The following ARHGEF39 variants were observed in gnomAD, a reference collection of about 807,000 sequenced individuals.
The protein encoded by ARHGEF39 is Rho guanine nucleotide exchange factor (GEF) 39.
Under a neutral mutation model 47.5 loss-of-function variants are expected in ARHGEF39, and 45 were observed. That is an observed-to-expected ratio of 0.95 (90% CI 0.75 to 1.22). The LOEUF (loss-of-function observed/expected upper bound fraction) is 1.22. ARHGEF39 is among the 50% of genes most tolerant of loss of function. The pLI is 0.00. For missense variants in ARHGEF39, 411 were observed against 425.3 expected, an observed-to-expected ratio of 0.97 and a Z score of 0.30; for synonymous variants, 164 against 167.8, an observed-to-expected ratio of 0.98 and a Z score of 0.17.
Position 35,664,121 on chromosome 9 carries a change from C to T in ARHGEF39, c.360G>A (p.Gln120=), listed in dbSNP as rs771684028. ...SERSQTTLQE[Q]LKKNKGFRRF... is the part of the protein sequence containing the mutation. ...TCCGGAAACCTTTATTTTTCTTTAG[C>T]TGCTCCTGGAGTGAGGGAGAAAGGA... Residue 120 remains glutamine, a synonymous_variant, in exon 4 of 9, where the codon CAG becomes CAA. Transcript: ENST00000378387. 6.2e-7 allele frequency: 1 copy of T among 1,613,920 alleles called. No homozygotes were observed. Among genetic ancestry groups the T allele is most frequent in the Non-Finnish European group, 8.5e-7 (1 of 1,179,796 alleles).
Position 35,664,129 on chromosome 9 carries a change from GGAGT to G in ARHGEF39, c.355-7_355-4del. 2 of 1,612,896 alleles carry G rather than the reference GGAGT, an allele frequency of 1.2e-6. No homozygotes were observed. The highest frequency in any genetic ancestry group is 1.7e-6 in the Non-Finnish European group (2 of 1,178,854). ...CCTTTATTTTTCTTTAGCTGCTCCT[GGAGT>G]GAGGGAGAAAGGATTGGAAGCAGGG... On this transcript the variant is annotated splice_region_variant and splice_polypyrimidine_tract_variant and intron_variant, in intron 3 of 8. Coordinates refer to ENST00000378387, the MANE Select transcript of ARHGEF39 (RefSeq NM_032818.3).
rs376110644 is a variant in ARHGEF39 at position 35,663,981 on chromosome 9, G to A, written c.473+27C>T. The A allele has an allele frequency of 2.1e-5, 34 of 1,598,876 alleles. 3 individuals carry two copies. The Middle Eastern group carries it at 1.5e-3, about 71-fold the overall frequency. ...GCAGTCATACAAACTAAAAGAGAGA[G>A]GCGGCTGGAATCAAGAGTTCACTCA... is the stretch of plus-strand genomic sequence containing the variant. On this transcript the variant is annotated intron_variant, in intron 4 of 8. Transcript: ENST00000378387.
chr9:35,660,967 TC>T lies in ARHGEF39; in HGVS notation c.*1019del, dbSNP rs753385503. The T allele has an allele frequency of 4.2e-5, 68 of 1,614,114 alleles. No homozygotes were observed. Among genetic ancestry groups the T allele is most frequent in the Non-Finnish European group, 5.3e-5 (62 of 1,180,012 alleles). The stretch of plus-strand genomic sequence containing the variant: ...GCCAGCAGACCTCTTCCTGAGGACT[TC>T]TGTTTAAAGGAGGACGAGGAGGAGA... On this transcript the variant is annotated 3_prime_UTR_variant, in exon 9 of 9. Transcript: ENST00000378387.
At chr9:35,664,970 A>G in intron 1 of ARHGEF39, 62 bp downstream of exon 1, 1 of 1,509,388 alleles carries the variant, frequency 6.6e-7, no homozygotes, top group Non-Finnish European at 8.9e-7. Flanking sequence ...CCGACCTCGC[A>G]GAGACCCTCC....
rs997370660 is a variant in ARHGEF39 at position 35,659,687 on chromosome 9, A to G, written c.*2300T>C. 3.9e-5 allele frequency: 6 copies of G among 152,212 alleles called. No individual in the cohort carries two copies. Among genetic ancestry groups the G allele is most frequent in the Non-Finnish European group, 7.3e-5 (5 of 68,050 alleles). 9.4% of individuals were successfully genotyped at this position (152,212 alleles called of 1,614,324 possible). A position where few individuals can be genotyped will look rare whatever the true frequency, so the allele number is the denominator to read the frequency against. ...AAGACTGACGTTAATAAACCAGAAAAAACTCAGGAAAGTGGGTGAGGGTGT... is the reference window on the plus strand; with the variant it reads ...AAGACTGACGTTAATAAACCAGAAAGAACTCAGGAAAGTGGGTGAGGGTGT... On this transcript the variant is annotated 3_prime_UTR_variant, in exon 9 of 9. Coordinates refer to ENST00000378387, the MANE Select transcript of ARHGEF39 (RefSeq NM_032818.3).
chr9:35,661,135 G>A lies in ARHGEF39; in HGVS notation c.*852C>T. The A allele has an allele frequency of 1.2e-6, 2 of 1,612,042 alleles. No individual in the cohort carries two copies. Among genetic ancestry groups the A allele is most frequent in the Non-Finnish European group, 1.7e-6 (2 of 1,178,492 alleles). On this transcript the variant is annotated 3_prime_UTR_variant, in exon 9 of 9. Transcript: ENST00000378387. ...AAGGGCCCCAGTCACAGCCTTGGCT[G>A]GGAAGGAGGGACGACAGCTGAAGGT... is the stretch of plus-strand genomic sequence containing the variant.
rs1341426672 is a variant in ARHGEF39, at chr9:35,664,039, G to C, written c.442C>G (p.Leu148Val). ...AGCCGTTGCAGAGGCAGAGGGAGCA[G>C]GTCCTGGAGCTGAAGGCCCCCAAAC... ...PEFGGLQLQD[L>V]LPLPLQRLQQ... Residue 148 changes from leucine (L) to valine (V), a missense_variant, in exon 4 of 9, where the codon CTG becomes GTG. Leu to Val is a conservative substitution (Grantham distance 32). Coordinates refer to ENST00000378387, the MANE Select transcript of ARHGEF39 (RefSeq NM_032818.3). 6.2e-7 allele frequency: 1 copy of C among 1,614,116 alleles called. No individual in the cohort carries two copies. The highest frequency in any genetic ancestry group is 1.1e-5 in the South Asian group (1 of 91,080).
At position 35,659,959 on chromosome 9, in the gene ARHGEF39, C is replaced by T; in HGVS notation, c.*2028G>A. ...TCCCAGGTTCAAGCGATTCTCCTGC[C>T]TCAGCCTCTCAAGTAACTGGGATTA... On this transcript the variant is annotated 3_prime_UTR_variant, in exon 9 of 9. Coordinates refer to ENST00000378387, the MANE Select transcript of ARHGEF39 (RefSeq NM_032818.3). 1 of 155,030 alleles carries T rather than the reference C, an allele frequency of 6.5e-6. No homozygotes were observed. The highest frequency in any genetic ancestry group is 1.9e-4 in the South Asian group (1 of 5,180). 9.6% of individuals were successfully genotyped at this position (155,030 alleles called of 1,614,324 possible). A position where few individuals can be genotyped will look rare whatever the true frequency, so the allele number is the denominator to read the frequency against.
In ARHGEF39 at chr9:35,660,278, G is replaced by A. The variant is rs560960553; in HGVS notation, c.*1709C>T. 4 of 793,464 alleles carry A rather than the reference G, an allele frequency of 5.0e-6. No individual in the cohort carries two copies. The highest frequency in any genetic ancestry group is 1.7e-5 in the African/African-American group (1 of 57,502). The allele number at this position is 793,464 out of a possible 1,614,324, so 49.2% of individuals were successfully genotyped here. On this transcript the variant is annotated 3_prime_UTR_variant, in exon 9 of 9. Coordinates refer to ENST00000378387, the MANE Select transcript of ARHGEF39 (RefSeq NM_032818.3). Reference sequence around the variant, plus strand: ...AGATAGACTAGGATTGTGATTCTCTGAGGTAAAAACCCAATCACTGTCTCC... The same window carrying A: ...AGATAGACTAGGATTGTGATTCTCTAAGGTAAAAACCCAATCACTGTCTCC...
Position 35,661,983 on chromosome 9 carries a change from T to G in ARHGEF39, c.*4A>C. On this transcript the variant is annotated 3_prime_UTR_variant, in exon 9 of 9. Coordinates refer to ENST00000378387, the MANE Select transcript of ARHGEF39 (RefSeq NM_032818.3). ...TCCTGAGTTCTGGAATCTATAAGATTCCTCTAGTTTTTCTGGCTGCTGTGG... is the reference window on the plus strand; with the variant it reads ...TCCTGAGTTCTGGAATCTATAAGATGCCTCTAGTTTTTCTGGCTGCTGTGG... 5 of 1,613,806 alleles carry G rather than the reference T, an allele frequency of 3.1e-6. No homozygotes were observed. Among genetic ancestry groups the G allele is most frequent in the Non-Finnish European group, 4.2e-6 (5 of 1,179,838 alleles).
Position 35,664,757 on chromosome 9 carries a change from G to T in ARHGEF39, c.232C>A (p.Gln78Lys). 6.2e-7 allele frequency: 1 copy of T among 1,611,998 alleles called. No individual in the cohort carries two copies. Among genetic ancestry groups the T allele is most frequent in the East Asian group, 2.2e-5 (1 of 44,874 alleles). ...TCTCCCTGTGCCCCTTCCACTCACT[G>T]GCTGGCGCCGTAGATGAGCTCCCAG... ...GSWELIYGAS[Q>K]ELLPYLEGGC... Residue 78 changes from glutamine (Q) to lysine (K), a missense_variant and splice_region_variant, in exon 2 of 9, where the codon CAG becomes AAG. Transcript: ENST00000378387.
chr9:35,660,880 C>A lies in ARHGEF39; in HGVS notation c.*1107G>T. 6.2e-7 allele frequency: 1 copy of A among 1,614,162 alleles called. No individual in the cohort carries two copies. Among genetic ancestry groups the A allele is most frequent in the Non-Finnish European group, 8.5e-7 (1 of 1,180,040 alleles). ...CCAGGTGAAGGCTCGGGAGGCGAGT[C>A]TGCTGGAGGTGGAGACAAAGTCTCT... On this transcript the variant is annotated 3_prime_UTR_variant, in exon 9 of 9. Coordinates refer to ENST00000378387, the MANE Select transcript of ARHGEF39 (RefSeq NM_032818.3).
At position 35,660,176 on chromosome 9, in the gene ARHGEF39, C is replaced by G; in HGVS notation, c.*1811G>C. ...GCTTTTTTCAAACCGGAGGGAGTTG[C>G]TCATTCCTGGAGGTGTTTCAGCAAA... is the stretch of plus-strand genomic sequence containing the variant. On this transcript the variant is annotated 3_prime_UTR_variant, in exon 9 of 9. Coordinates refer to ENST00000378387, the MANE Select transcript of ARHGEF39 (RefSeq NM_032818.3). The G allele has an allele frequency of 2.1e-6, 1 of 471,206 alleles. No individual in the cohort carries two copies. The highest frequency in any genetic ancestry group is 3.8e-6 in the Non-Finnish European group (1 of 266,054). 29.2% of individuals were successfully genotyped at this position (471,206 alleles called of 1,614,324 possible). A position where few individuals can be genotyped will look rare whatever the true frequency, so the allele number is the denominator to read the frequency against.
chr9:35,663,001 G>C lies in ARHGEF39; in HGVS notation c.618C>G (p.His206Gln). Residue 206 changes from histidine to glutamine, a missense_variant, in exon 6 of 9, where the codon CAC becomes CAG. By Grantham distance (24) the His-to-Gln change is conservative (BLOSUM62 0). Transcript: ENST00000378387. Reference protein sequence around the residue: ...TIGQKQKNDQHLRRVQALLSG... With the variant: ...TIGQKQKNDQQLRRVQALLSG... ...TGAGCAGAGCCTGGACACGCCGAAG[G>C]TGCTGGTCATTCTTCTGTTTCTGAC... The C allele has an allele frequency of 6.2e-7, 1 of 1,610,524 alleles. No individual in the cohort carries two copies. Among genetic ancestry groups the C allele is most frequent in the Non-Finnish European group, 8.5e-7 (1 of 1,177,220 alleles).
Position 35,660,415 on chromosome 9 carries a change from T to G in ARHGEF39, c.*1572A>C. ...TTCCACAACAGGGGAAAGATGAAACTGCGGTTCTCCACGAGGAGGCAAGCA... is the reference window on the plus strand; with the variant it reads ...TTCCACAACAGGGGAAAGATGAAACGGCGGTTCTCCACGAGGAGGCAAGCA... On this transcript the variant is annotated 3_prime_UTR_variant, in exon 9 of 9. Coordinates refer to ENST00000378387, the MANE Select transcript of ARHGEF39 (RefSeq NM_032818.3). 6.2e-7 allele frequency: 1 copy of G among 1,607,000 alleles called. No homozygotes were observed.
At chr9:35,662,797 A>C (rs558050585) in intron 6 of ARHGEF39, 56 bp from the exon 7 acceptor site, 1 of 1,522,370 alleles carries the variant, frequency 6.6e-7, no homozygotes, top group African/African-American at 1.4e-5. Flanking sequence ...TGGGAATAAG[A>C]GGAAAGGGAG....
intron 3 of ARHGEF39, 22 bp from the exon 4 acceptor site, chr9:35,664,148 TGGA>T (rs757079148): frequency 1.2e-6 from 2 of 1,608,648 alleles, no homozygotes; most frequent in Admixed American, 3.3e-5. Flanking sequence ...GAGAAAGGAT[TGGA>T]AGCAGGGAGA....
At position 35,661,849 on chromosome 9, in the gene ARHGEF39, G is replaced by A; in HGVS notation, c.*138C>T. The A allele has an allele frequency of 9.6e-7, 1 of 1,044,244 alleles. No individual in the cohort carries two copies. The highest frequency in any genetic ancestry group is 1.4e-6 in the Non-Finnish European group (1 of 709,414). The allele number at this position is 1,044,244 out of a possible 1,614,324, so 64.7% of individuals were successfully genotyped here. On this transcript the variant is annotated 3_prime_UTR_variant, in exon 9 of 9. Transcript: ENST00000378387. The stretch of plus-strand genomic sequence containing the variant: ...AGAGTTGGTCAGATGATCTGGAGTA[G>A]CTTGGTCCAGGCAAACAGAAAGTGA...
chr9:35,663,863 T>G (rs571710636), intron 4 of ARHGEF39, 145 bp downstream of exon 4: 18 of 827,702 alleles, frequency 2.2e-5, no homozygotes, highest in Admixed American at 1.8e-4. Flanking sequence ...GGGTTCACAT[T>G]TACTCTTGCA....
Sources: allele counts gnomAD v4.1 joint callset, GRCh38; gene constraint gnomAD v4.1.1; transcripts MANE v1.5; gene names NCBI Gene and HGNC (gene_info 2026-07-23, HGNC 2026-07-21).